Variants in CCDC3 observed in about 807,000 individuals in gnomAD.
CCDC3 encodes the protein coiled-coil domain-containing protein 3.
In CCDC3, 24 loss-of-function variants were observed where a neutral mutation model predicts 21.4. The ratio of observed to expected loss-of-function variants is 1.12; its 90% CI spans 0.81 to 1.58. CCDC3 has a LOEUF of 1.58. Among genes scored for constraint, CCDC3 ranks in the 40% most tolerant of loss-of-function variants. CCDC3 has a pLI of 0.00. For missense variants in CCDC3, 425 were observed against 360.9 expected (o/e 1.18, Z -1.44); for synonymous variants, 186 against 166.0 (o/e 1.12, Z -0.93).
intron 2 of CCDC3, among the ~76,000 whole-genome samples, chr10:12,976,995 C>A (rs1358940216): frequency 1.3e-5 from 2 of 152,186 alleles, no homozygotes; most frequent in Admixed American, 6.5e-5. Flanking sequence ...TCTGTCAGGC[C>A]GAGTGCAGTG....
chr10:13,007,566 C>G (rs12357275), intron 5 of CCDC3, among the ~76,000 whole-genome samples: 8,794 of 152,102 alleles, frequency 0.058, 325 homozygotes, highest in South Asian at 0.1. Flanking sequence ...TACCTGTCTC[C>G]CGGAACATGC....
intron 2 of CCDC3, among the ~76,000 whole-genome samples, chr10:12,940,397 T>G (rs1834809755): frequency 6.6e-6 from 1 of 152,186 alleles, no homozygotes; most frequent in Non-Finnish European, 1.5e-5. Flanking sequence ...CCTCAAAGTC[T>G]ATGGCCTCTT....
intron 2 of CCDC3, among the ~76,000 whole-genome samples, chr10:12,977,761 A>G (rs994359132): frequency 3.9e-5 from 6 of 152,364 alleles, no homozygotes; most frequent in East Asian, 1.9e-4. Context: ...TTTCATCATT[A>G]ACAGATGCAT....
intron 2 of CCDC3, among the ~76,000 whole-genome samples, chr10:12,938,301 C>T (rs1006751165): frequency 2.0e-5 from 3 of 151,962 alleles, no homozygotes; most frequent in Non-Finnish European, 2.9e-5. Context: ...CCAGTCCACA[C>T]GTTCAATACT....
intron 2 of CCDC3, among the ~76,000 whole-genome samples, chr10:12,983,142 A>ATT (rs1303461488): frequency 2.2e-4 from 3 of 13,588 alleles, no homozygotes; most frequent in Non-Finnish European, 3.7e-4. Context: ...ATATATATAT[A>ATT]TATATATATA....
intron 2 of CCDC3, among the ~76,000 whole-genome samples, chr10:12,934,254 C>T (rs770418989): frequency 1.3e-5 from 2 of 152,170 alleles, no homozygotes; most frequent in Non-Finnish European, 2.9e-5. Context: ...TCAGATATAT[C>T]TGTTATTGAT....
intron 2 of CCDC3, among the ~76,000 whole-genome samples, chr10:12,956,923 C>G: frequency 6.6e-6 from 1 of 152,244 alleles, no homozygotes; most frequent in East Asian, 1.9e-4. Context: ...TAGCCAGCAA[C>G]CCAATAGGCA....
chr10:13,042,391 G>T (rs1460320307), intron 5 of CCDC3, among the ~76,000 whole-genome samples: 1 of 152,240 alleles, frequency 6.6e-6, no homozygotes, highest in African/African-American at 2.4e-5. Context: ...GGAATGAGGG[G>T]CGGGAGACCG....
intron 5 of CCDC3, among the ~76,000 whole-genome samples, chr10:13,048,100 A>G (rs922171135): frequency 1.3e-5 from 2 of 152,190 alleles, no homozygotes; most frequent in Non-Finnish European, 2.9e-5. Context: ...TTTGTATTTT[A>G]TCCATAGCTA....
chr10:12,907,548 G>A (rs1230062266), intron 2 of CCDC3, among the ~76,000 whole-genome samples: 2 of 152,228 alleles, frequency 1.3e-5, no homozygotes, highest in Admixed American at 6.5e-5. Context: ...GGGAGGCTGA[G>A]GCAGGAGAAT....
At chr10:12,978,728 C>T (rs1014004968) in intron 2 of CCDC3, among the ~76,000 whole-genome samples, 1 of 152,136 alleles carries the variant, frequency 6.6e-6, no homozygotes, top group Non-Finnish European at 1.5e-5. Flanking sequence ...ACTGGGGAAT[C>T]CACCCTTCTC....
rs540741725 is a variant in CCDC3 at position 13,058,737 on chromosome 10, G to C, written c.-269-8796C>G. On this transcript the variant is annotated intron_variant, in intron 4 of 6. Coordinates refer to the CCDC3 transcript ENST00000378839. Reference sequence around the variant, plus strand: ...GAGACCTGCAGGCCTATTACTTGCAGTTAAAGAAAAGTAAATATGTATGAA... The same window carrying C: ...GAGACCTGCAGGCCTATTACTTGCACTTAAAGAAAAGTAAATATGTATGAA... The C allele has an allele frequency of 7.9e-4, 197 of 247,902 alleles. 1 individual carries two copies. The highest frequency in any genetic ancestry group is 6.7e-3 in the Middle Eastern group (5 of 746). The allele number at this position is 247,902 out of a possible 1,614,324, so 15.4% of individuals were successfully genotyped here.
chr10:13,009,550 T>G (rs1364133655), intron 5 of CCDC3, among the ~76,000 whole-genome samples: 3 of 152,188 alleles, frequency 2.0e-5, no homozygotes, highest in African/African-American at 7.2e-5. Context: ...CAATAAAGTG[T>G]GATTTGGTGC....
chr10:12,980,157 C>T (rs973510220), intron 2 of CCDC3, among the ~76,000 whole-genome samples: 7 of 152,184 alleles, frequency 4.6e-5, no homozygotes, highest in Non-Finnish European at 8.8e-5. Context: ...CCCTCAAGTA[C>T]GTCGGGTGAT....
chr10:13,065,134 A>C (rs111758933), intron 4 of CCDC3, among the ~76,000 whole-genome samples: 6 of 152,316 alleles, frequency 3.9e-5, no homozygotes, highest in African/African-American at 1.4e-4. Flanking sequence ...TCTAAGTAGA[A>C]GTCTTAATGA....
At chr10:12,982,694 T>TGA (rs1698975900) in intron 2 of CCDC3, among the ~76,000 whole-genome samples, 1 of 143,996 alleles carries the variant, frequency 6.9e-6, no homozygotes, top group African/African-American at 2.6e-5. Context: ...CTCAGGAGGC[T>TGA]GAGGCAGGAG....
At chr10:12,947,740 T>C (rs1309347463) in intron 2 of CCDC3, among the ~76,000 whole-genome samples, 2 of 152,148 alleles carry the variant, frequency 1.3e-5, no homozygotes, top group East Asian at 1.9e-4. Flanking sequence ...AACTAATAAA[T>C]TGATAATTAA....
intron 5 of CCDC3, among the ~76,000 whole-genome samples, chr10:13,028,050 T>C (rs577110025): frequency 6.6e-6 from 1 of 152,218 alleles, no homozygotes; most frequent in East Asian, 1.9e-4. Flanking sequence ...CTACAATATA[T>C]AGTTTATTAA....
chr10:13,038,307 G>C (rs541183214), intron 5 of CCDC3, among the ~76,000 whole-genome samples: 4 of 144,554 alleles, frequency 2.8e-5, no homozygotes, highest in Non-Finnish European at 6.0e-5. Flanking sequence ...AAACCACGGT[G>C]ACACACATTT....
Sources: allele counts gnomAD v4.1 joint callset (sites outside exome capture counted in the v4.1 genomes callset), GRCh38; gene constraint gnomAD v4.1.1; transcripts MANE v1.5; gene names NCBI Gene and HGNC (gene_info 2026-07-23, HGNC 2026-07-21).